NOVA1: variants seen among roughly 807,000 people sequenced by gnomAD.
NOVA1 encodes the protein NOVA alternative splicing regulator 1.
A neutral mutation model predicts 38.0 loss-of-function variants in NOVA1; 7 were observed. That is an observed-to-expected ratio of 0.18 (90% CI 0.10 to 0.35). NOVA1 has a LOEUF of 0.35. Among genes scored for constraint, NOVA1 ranks in the 10% least tolerant of loss-of-function variants. The pLI, the probability that NOVA1 is intolerant of heterozygous loss-of-function variation, is 1.00. For synonymous variants in NOVA1, 270 were observed against 232.5 expected, an observed-to-expected ratio of 1.16 and a Z score of -1.47; for missense variants, 460 against 616.0, an observed-to-expected ratio of 0.75 and a Z score of 2.68.
At chr14:26,519,597 G>C (rs939245979) in intron 2 of NOVA1, 2 of 152,078 alleles carry the variant, frequency 1.3e-5, no homozygotes, top group Non-Finnish European at 2.9e-5. Flanking sequence ...ATAATTGAAA[G>C]AGAAACAGGA....
chr14:26,590,920 T>G, intron 2 of NOVA1, among the ~76,000 whole-genome samples: 1 of 151,736 alleles, frequency 6.6e-6, no homozygotes, highest in East Asian at 1.9e-4. Flanking sequence ...TAATGATGTC[T>G]TATAACTTAC....
chr14:26,538,987 C>T (rs909927862), intron 2 of NOVA1, among the ~76,000 whole-genome samples: 2 of 152,106 alleles, frequency 1.3e-5, no homozygotes, highest in African/African-American at 4.8e-5. Context: ...TGACTTTCGT[C>T]GTCCTCATCC....
intron 2 of NOVA1, among the ~76,000 whole-genome samples, chr14:26,566,368 T>C (rs1416923754): frequency 6.6e-6 from 1 of 152,156 alleles, no homozygotes; most frequent in Non-Finnish European, 1.5e-5. Flanking sequence ...TATACATATA[T>C]ACTAGTTTGG....
At chr14:26,465,148 C>T (rs568782644) in intron 4 of NOVA1, among the ~76,000 whole-genome samples, 1 of 152,256 alleles carries the variant, frequency 6.6e-6, no homozygotes, top group South Asian at 2.1e-4. Context: ...CAATACACTA[C>T]TCACACATAT....
intron 2 of NOVA1, among the ~76,000 whole-genome samples, chr14:26,506,295 G>A (rs1004275574): frequency 2.0e-5 from 3 of 152,084 alleles, no homozygotes; most frequent in African/African-American, 7.2e-5. Context: ...AATCTTCCAG[G>A]GCGTAAAATT....
chr14:26,449,165 A>C (rs968159974), intron 4 of NOVA1, among the ~76,000 whole-genome samples: 1 of 152,108 alleles, frequency 6.6e-6, no homozygotes, highest in Non-Finnish European at 1.5e-5. Context: ...GGAAAAACTC[A>C]ATTTTCAGGT....
At chr14:26,595,958 G>T (rs78573010) in intron 1 of NOVA1, 16,500 of 391,992 alleles carry the variant, frequency 0.042, 478 homozygotes, top group South Asian at 0.072. Flanking sequence ...TATTAAAAAA[G>T]AAGAAAAGCC....
intron 2 of NOVA1, among the ~76,000 whole-genome samples, chr14:26,481,890 C>T (rs1371575550): frequency 1.3e-5 from 2 of 148,530 alleles, no homozygotes; most frequent in Non-Finnish European, 3.0e-5. Flanking sequence ...TCCAGGTCAG[C>T]AGACAATATG....
At chr14:26,466,096 T>G (rs1884109922) in intron 4 of NOVA1, among the ~76,000 whole-genome samples, 1 of 151,960 alleles carries the variant, frequency 6.6e-6, no homozygotes, top group African/African-American at 2.4e-5. Flanking sequence ...ATCTCTATGG[T>G]AAGAGAATTT....
At position 26,597,628 on chromosome 14, in the gene NOVA1, G is replaced by A. The variant is rs1380387909; in HGVS notation, c.-192C>T. 8 of 1,218,314 alleles carry A rather than the reference G, an allele frequency of 6.6e-6. No homozygotes were observed. The highest frequency in any genetic ancestry group is 3.1e-4 in the Middle Eastern group (1 of 3,188). The allele number at this position is 1,218,314 out of a possible 1,614,324, so 75.5% of individuals were successfully genotyped here. On this transcript the variant is annotated 5_prime_UTR_variant, in exon 1 of 5. Transcript: ENST00000539517. ...TGCTGGTTTGTTCTCACTGGGGAGGGGGCAGGGCTGAGGAGCAGCTGCAGT... is the reference window on the plus strand; with the variant it reads ...TGCTGGTTTGTTCTCACTGGGGAGGAGGCAGGGCTGAGGAGCAGCTGCAGT...
chr14:26,527,034 A>C (rs1318541922), intron 2 of NOVA1, among the ~76,000 whole-genome samples: 1 of 152,198 alleles, frequency 6.6e-6, no homozygotes, highest in Non-Finnish European at 1.5e-5. Flanking sequence ...GAATCACCTA[A>C]GGTAAAGTCC....
chr14:26,526,029 AT>A (rs1166413501), intron 2 of NOVA1, among the ~76,000 whole-genome samples: 1 of 152,012 alleles, frequency 6.6e-6, no homozygotes, highest in Non-Finnish European at 1.5e-5. Context: ...ATATTATATA[AT>A]TTTTACTTTC....
At chr14:26,546,375 G>A (rs1890789472) in intron 2 of NOVA1, among the ~76,000 whole-genome samples, 2 of 151,960 alleles carry the variant, frequency 1.3e-5, no homozygotes, top group African/African-American at 4.8e-5. Flanking sequence ...AATTTGTTCA[G>A]ATAAATCTGA....
At chr14:26,539,795 A>G (rs1356963354) in intron 2 of NOVA1, among the ~76,000 whole-genome samples, 1 of 152,186 alleles carries the variant, frequency 6.6e-6, no homozygotes, top group East Asian at 1.9e-4. Flanking sequence ...TCTGATATGA[A>G]TGACAGTACT....
chr14:26,572,536 T>C (rs1245692930), intron 2 of NOVA1, among the ~76,000 whole-genome samples: 1 of 152,152 alleles, frequency 6.6e-6, no homozygotes, highest in African/African-American at 2.4e-5. Context: ...AAAGGTGACA[T>C]GGTCTTCATC....
intron 2 of NOVA1, among the ~76,000 whole-genome samples, chr14:26,491,771 A>T (rs1044849680): frequency 7.9e-5 from 12 of 152,124 alleles, no homozygotes. Flanking sequence ...ATGTGGAATT[A>T]TTTCTAGACT....
At chr14:26,575,225 A>C (rs1892767439) in intron 2 of NOVA1, among the ~76,000 whole-genome samples, 1 of 152,202 alleles carries the variant, frequency 6.6e-6, no homozygotes, top group African/African-American at 2.4e-5. Flanking sequence ...TGAACTTTAT[A>C]AACAAGAATT....
chr14:26,456,632 G>A (rs971422981), intron 4 of NOVA1, among the ~76,000 whole-genome samples: 4 of 151,902 alleles, frequency 2.6e-5, no homozygotes, highest in Admixed American at 2.6e-4. Flanking sequence ...AAACATTGGT[G>A]TCCGTATATA....
intron 2 of NOVA1, among the ~76,000 whole-genome samples, chr14:26,583,721 G>C (rs528947331): frequency 1.3e-5 from 2 of 151,438 alleles, no homozygotes; most frequent in South Asian, 4.2e-4. Flanking sequence ...ACTTATAAAT[G>C]ATGAAAAATC....
Sources: allele counts gnomAD v4.1 joint callset (sites outside exome capture counted in the v4.1 genomes callset), GRCh38; gene constraint gnomAD v4.1.1; transcripts MANE v1.5; gene names NCBI Gene and HGNC (gene_info 2026-07-23, HGNC 2026-07-21).